ZFP90: variants seen among roughly 807,000 people sequenced by gnomAD.
ZFP90 encodes the protein zinc finger protein 90 homolog.
ZFP90 carries 38 observed loss-of-function variants against 60.8 expected under a neutral mutation model. The ratio of observed to expected loss-of-function variants is 0.62; its 90% CI spans 0.48 to 0.82. The LOEUF (loss-of-function observed/expected upper bound fraction) is 0.82, where lower values mean the gene tolerates loss of function less well. Ranked by LOEUF, ZFP90 falls within the 40% of genes least tolerant of loss-of-function variation. The pLI, the probability that ZFP90 is intolerant of heterozygous loss-of-function variation, is 0.00. For synonymous variants in ZFP90, 287 were observed against 264.8 expected, an observed-to-expected ratio of 1.08 and a Z score of -0.82; for missense variants, 711 against 759.1, an observed-to-expected ratio of 0.94 and a Z score of 0.74.
At chr16:68,538,768 G>T (rs188828423), upstream of ZFP90, among the ~76,000 whole-genome samples, 2 of 152,190 alleles carry the variant, frequency 1.3e-5, no homozygotes, top group Admixed American at 1.3e-4. Flanking sequence ...CTGCGTAAGG[G>T]GATACGAAGT....
At chr16:68,544,678 A>ACCACT (rs1363607545) in intron 2 of ZFP90, among the ~76,000 whole-genome samples, 1 of 151,982 alleles carries the variant, frequency 6.6e-6, no homozygotes, top group African/African-American at 2.4e-5. Context: ...GGGAAACCAG[A>ACCACT]CCACTTGCTG....
In ZFP90 at chr16:68,561,476, T is replaced by C. The variant is rs2091438333; in HGVS notation, c.257-1568T>C. On this transcript the variant is annotated intron_variant, in intron 4 of 4. Transcript: ENST00000563169. ...CCATGAGATGTGATATATACTAATA[T>C]TTATTTCTTCCTTTCCTGACAACAA... 2.0e-5 allele frequency among the ~76,000 whole-genome samples: 3 copies of C among 152,248 alleles called. No individual in the cohort carries two copies. The South Asian group carries it at 6.2e-4, about 32-fold the overall frequency.
intron 4 of ZFP90, chr16:68,562,051 A>G (rs1025558802): frequency 6.6e-6 from 1 of 152,186 alleles, no homozygotes; most frequent in Non-Finnish European, 1.5e-5. Context: ...CTATCAATCC[A>G]TCTTACTTTT....
intron 2 of ZFP90, among the ~76,000 whole-genome samples, chr16:68,540,275 T>G (rs1235517324): frequency 6.6e-6 from 1 of 151,978 alleles, no homozygotes; most frequent in Non-Finnish European, 1.5e-5. Context: ...TTAGAACATG[T>G]CTAGGAAGAG....
chr16:68,565,826 A>G lies in ZFP90; in HGVS notation c.*1128A>G. ...TTATGTGCAAAGAAAAGATTTCACC[A>G]TTAAAAAAATTAACTTGGCTAGGTA... On this transcript the variant is annotated 3_prime_UTR_variant, in exon 5 of 5. Coordinates refer to ENST00000563169, the MANE Select transcript of ZFP90 (RefSeq NM_001305203.2). 1.0e-6 allele frequency: 1 copy of G among 985,444 alleles called. No homozygotes were observed. Among genetic ancestry groups the G allele is most frequent in the African/African-American group, 1.7e-5 (1 of 57,364 alleles). 61.0% of individuals were successfully genotyped at this position (985,444 alleles called of 1,614,324 possible). A position where few individuals can be genotyped will look rare whatever the true frequency, so the allele number is the denominator to read the frequency against.
intron 2 of ZFP90, among the ~76,000 whole-genome samples, chr16:68,540,065 A>T (rs2091012889): frequency 6.6e-6 from 1 of 152,146 alleles, no homozygotes; most frequent in East Asian, 1.9e-4. Flanking sequence ...TTGAGATTGG[A>T]TGCGTTGGGA....
intron 3 of ZFP90, 127 bp from the exon 4 acceptor site, chr16:68,558,346 C>T (rs753991017): frequency 9.0e-7 from 1 of 1,108,246 alleles, no homozygotes; most frequent in Non-Finnish European, 1.3e-6. Context: ...TTGCATGACT[C>T]CTTAAGTTGC....
chr16:68,544,156 C>T (rs2091103315), intron 2 of ZFP90, among the ~76,000 whole-genome samples: 1 of 152,182 alleles, frequency 6.6e-6, no homozygotes, highest in Non-Finnish European at 1.5e-5. Context: ...ACTGGCTGGC[C>T]TCTTTTTCAT....
At chr16:68,552,027 T>C (rs887878156) in intron 2 of ZFP90, among the ~76,000 whole-genome samples, 4 of 152,106 alleles carry the variant, frequency 2.6e-5, no homozygotes, top group Non-Finnish European at 5.9e-5. Flanking sequence ...CCCAAAGTGC[T>C]GGGATTACAG....
At chr16:68,568,548 A>G (rs9929492), downstream of ZFP90, among the ~76,000 whole-genome samples, 1 of 152,250 alleles carries the variant, frequency 6.6e-6, no homozygotes, top group Non-Finnish European at 1.5e-5. Flanking sequence ...TAGGAGATAC[A>G]TATCCTAGAC....
At chr16:68,535,356 T>C (rs2090952587), upstream of ZFP90, among the ~76,000 whole-genome samples, 1 of 152,160 alleles carries the variant, frequency 6.6e-6, no homozygotes, top group African/African-American at 2.4e-5. Context: ...AACAGGTAAT[T>C]TACCTTGCAG....
chr16:68,554,410 G>A (rs2091311369), intron 2 of ZFP90, among the ~76,000 whole-genome samples: 1 of 152,146 alleles, frequency 6.6e-6, no homozygotes, highest in African/African-American at 2.4e-5. Context: ...CTAAAGTGCT[G>A]GGATTACAGG....
At chr16:68,550,228 A>G (rs2152063983) in intron 2 of ZFP90, among the ~76,000 whole-genome samples, 1 of 152,246 alleles carries the variant, frequency 6.6e-6, no homozygotes, top group South Asian at 2.1e-4. Flanking sequence ...TCTTTCCTTG[A>G]TAGTAAATCT....
chr16:68,544,459 T>C (rs1470011543), intron 2 of ZFP90, among the ~76,000 whole-genome samples: 1 of 152,162 alleles, frequency 6.6e-6, no homozygotes, highest in East Asian at 1.9e-4. Flanking sequence ...GGAAGTTTTA[T>C]AAGGAAAATG....
Position 68,566,420 on chromosome 16 carries a change from T to TTTGCATGCCACATAGCAGGATTCA in ZFP90, c.*1727_*1750dup. ...ATGGTGAACCTTTCCTACTGGATTC[T>TTTGCATGCCACATAGCAGGATTCA]TTGCATGCCACATAGCAGGATTCAT... On this transcript the variant is annotated 3_prime_UTR_variant, in exon 5 of 5. Coordinates refer to ENST00000563169, the MANE Select transcript of ZFP90 (RefSeq NM_001305203.2). The TTTGCATGCCACATAGCAGGATTCA allele has an allele frequency of 5.1e-6, 5 of 985,606 alleles. No homozygotes were observed. Among genetic ancestry groups the TTTGCATGCCACATAGCAGGATTCA allele is most frequent in the Non-Finnish European group, 6.0e-6 (5 of 829,934 alleles). The allele number at this position is 985,606 out of a possible 1,614,324, so 61.1% of individuals were successfully genotyped here.
intron 2 of ZFP90, among the ~76,000 whole-genome samples, chr16:68,551,271 CATTT>C: frequency 6.6e-6 from 1 of 152,186 alleles, no homozygotes; most frequent in Middle Eastern, 3.4e-3. Flanking sequence ...GGATATTATG[CATTT>C]ATTCATTATG....
chr16:68,570,203 C>A (rs138932711), downstream of ZFP90, among the ~76,000 whole-genome samples: 17 of 152,258 alleles, frequency 1.1e-4, no homozygotes, highest in Non-Finnish European at 2.4e-4. Context: ...CCAATCAGGT[C>A]TTTGTGTCTG....
In ZFP90 at chr16:68,539,783, C is replaced by T. The variant is rs1402660289; in HGVS notation, c.-10C>T. The T allele has an allele frequency of 5.6e-6, 9 of 1,594,712 alleles. No individual in the cohort carries two copies. Among genetic ancestry groups the T allele is most frequent in the African/African-American group, 4.0e-5 (3 of 74,754 alleles). On this transcript the variant is annotated 5_prime_UTR_variant, in exon 2 of 5. Transcript: ENST00000563169. The stretch of plus-strand genomic sequence containing the variant: ...CTCCTGCCCCGGAGCCGGGCCCTGG[C>T]GAGGCAGGAATGGCCCCGAGGCCTC...
chr16:68,536,001 C>T (rs557554681), upstream of ZFP90, among the ~76,000 whole-genome samples: 2 of 152,308 alleles, frequency 1.3e-5, no homozygotes, highest in South Asian at 2.1e-4. Flanking sequence ...GAAGTTCTCA[C>T]ACCCAGTTAA....
Sources: allele counts gnomAD v4.1 joint callset (sites outside exome capture counted in the v4.1 genomes callset), GRCh38; gene constraint gnomAD v4.1.1; transcripts MANE v1.5; gene names NCBI Gene and HGNC (gene_info 2026-07-23, HGNC 2026-07-21).